KCNIP4: variants seen among roughly 807,000 people sequenced by gnomAD.
KCNIP4 encodes potassium voltage-gated channel interacting protein 4.
Under a neutral mutation model 34.0 loss-of-function variants are expected in KCNIP4, and 12 were observed. The observed-to-expected ratio is 0.35, with a 90% confidence interval of 0.23 to 0.57. The LOEUF (loss-of-function observed/expected upper bound fraction) is 0.57. Ranked by LOEUF, KCNIP4 falls within the 20% of genes least tolerant of loss-of-function variation. The probability of loss-of-function intolerance (pLI) is 0.83; values close to 1 mark genes in which losing one functional copy is unlikely to be tolerated. For synonymous variants in KCNIP4, 124 were observed against 102.2 expected (o/e 1.21, Z -1.29); for missense variants, 238 against 311.7 (o/e 0.76, Z 1.78).
chr4:21,413,955 A>T (rs1724728740), intron 1 of KCNIP4, among the ~76,000 whole-genome samples: 1 of 152,234 alleles, frequency 6.6e-6, no homozygotes, highest in South Asian at 2.1e-4. Context: ...TCTGCAGAAT[A>T]GACCATTTTT....
intron 1 of KCNIP4, among the ~76,000 whole-genome samples, chr4:21,462,178 C>T (rs918483783): frequency 6.6e-6 from 1 of 152,078 alleles, no homozygotes; most frequent in Non-Finnish European, 1.5e-5. Flanking sequence ...TCCCCATGAA[C>T]CATTTTCTAC....
At chr4:20,755,726 A>G (rs556326571) in intron 4 of KCNIP4, among the ~76,000 whole-genome samples, 1 of 152,322 alleles carries the variant, frequency 6.6e-6, no homozygotes, top group South Asian at 2.1e-4. Context: ...AGTCTCACTG[A>G]GAAGGTGGCA....
intron 1 of KCNIP4, among the ~76,000 whole-genome samples, chr4:20,997,511 T>C (rs1737664117): frequency 6.6e-6 from 1 of 152,136 alleles, no homozygotes; most frequent in Non-Finnish European, 1.5e-5. Flanking sequence ...AAAGGTATTG[T>C]AGGGAATCTG....
chr4:21,456,715 C>T (rs1033521437), intron 1 of KCNIP4, among the ~76,000 whole-genome samples: 1 of 127,978 alleles, frequency 7.8e-6, no homozygotes, highest in Non-Finnish European at 1.6e-5. Flanking sequence ...CCAGCCTTTA[C>T]AGCTCCATGT....
chr4:21,018,277 C>T (rs4348088), intron 1 of KCNIP4, among the ~76,000 whole-genome samples: 57,394 of 152,014 alleles, frequency 0.38, 11,575 homozygotes, highest in African/African-American at 0.53. Flanking sequence ...CAACAAGTAT[C>T]TGTTGAATAG....
intron 1 of KCNIP4, among the ~76,000 whole-genome samples, chr4:21,796,748 TA>T (rs1249216965): frequency 6.6e-6 from 1 of 152,202 alleles, no homozygotes; most frequent in Admixed American, 6.5e-5. Context: ...GTCTGAATAA[TA>T]AACATTCAGG....
chr4:20,905,200 G>A (rs540990160), intron 1 of KCNIP4, among the ~76,000 whole-genome samples: 55 of 152,238 alleles, frequency 3.6e-4, no homozygotes, highest in African/African-American at 1.2e-3. Flanking sequence ...CAGCAGGTTT[G>A]GTTACTTTCA....
chr4:21,189,590 G>A (rs538369596), intron 1 of KCNIP4, among the ~76,000 whole-genome samples: 48 of 152,326 alleles, frequency 3.2e-4, no homozygotes, highest in African/African-American at 1.1e-3. Flanking sequence ...TCAACATGAT[G>A]TTGTCATCTG....
chr4:21,763,649 C>T (rs1718207260), intron 1 of KCNIP4, among the ~76,000 whole-genome samples: 1 of 152,120 alleles, frequency 6.6e-6, no homozygotes, highest in Non-Finnish European at 1.5e-5. Flanking sequence ...TTTCTCTTTT[C>T]TGAATCTCAA....
intron 1 of KCNIP4, among the ~76,000 whole-genome samples, chr4:21,378,834 C>A (rs1171532738): frequency 6.6e-6 from 1 of 152,036 alleles, no homozygotes; most frequent in African/African-American, 2.4e-5. Flanking sequence ...GGAAATAGAG[C>A]AAGACACCTT....
At chr4:21,576,274 A>C (rs994549601) in intron 1 of KCNIP4, among the ~76,000 whole-genome samples, 4 of 152,170 alleles carry the variant, frequency 2.6e-5, no homozygotes, top group African/African-American at 9.7e-5. Flanking sequence ...ACTGCTTCAC[A>C]TAAAGCATCT....
At chr4:20,969,507 A>G (rs993905325) in intron 1 of KCNIP4, among the ~76,000 whole-genome samples, 10 of 152,074 alleles carry the variant, frequency 6.6e-5, no homozygotes, top group African/African-American at 2.4e-4. Flanking sequence ...ACAGTGGGAC[A>G]GGTAAATTTG....
chr4:21,562,351 C>T (rs772032767), intron 1 of KCNIP4, among the ~76,000 whole-genome samples: 3 of 151,832 alleles, frequency 2.0e-5, no homozygotes, highest in Non-Finnish European at 4.4e-5. Flanking sequence ...TTTAATTTAC[C>T]GAGGTGGATG....
chr4:21,633,724 G>T (rs1227123995), intron 1 of KCNIP4, among the ~76,000 whole-genome samples: 1 of 151,560 alleles, frequency 6.6e-6, no homozygotes, highest in African/African-American at 2.4e-5. Flanking sequence ...TGTTAATATG[G>T]GTTTTATCTT....
rs73805020 is a variant in KCNIP4 at position 21,140,033 on chromosome 4, A to G, written c.62-257324T>C. On this transcript the variant is annotated intron_variant, in intron 1 of 8. Coordinates refer to ENST00000382152, the MANE Select transcript of KCNIP4 (RefSeq NM_025221.6). ...GTCCCTGGAGAGTCAATTTTACCCA[A>G]TTACCAGAAATTTAACACACTCTCT... Among the ~76,000 whole-genome samples, 700 of 152,266 alleles carry G rather than the reference A, an allele frequency of 4.6e-3. 3 individuals are homozygous for G. The highest frequency in any genetic ancestry group is 0.015 in the African/African-American group (603 of 41,554).
chr4:21,668,226 T>C (rs138326694), intron 1 of KCNIP4, among the ~76,000 whole-genome samples: 4 of 152,094 alleles, frequency 2.6e-5, no homozygotes, highest in Non-Finnish European at 4.4e-5. Flanking sequence ...CCAGGGCCTA[T>C]TGGGCAGTTG....
At chr4:21,876,213 A>G (rs2109374576) in intron 1 of KCNIP4, among the ~76,000 whole-genome samples, 1 of 152,300 alleles carries the variant, frequency 6.6e-6, no homozygotes, top group Admixed American at 6.5e-5. Flanking sequence ...AATGGGTCAA[A>G]TACTGTAATT....
At chr4:21,717,386 T>G (rs975075520) in intron 1 of KCNIP4, among the ~76,000 whole-genome samples, 1 of 151,778 alleles carries the variant, frequency 6.6e-6, no homozygotes, top group Admixed American at 6.6e-5. Flanking sequence ...TCTATATAAT[T>G]TGCTATATAT....
At chr4:21,294,777 T>G (rs1243754401) in intron 1 of KCNIP4, among the ~76,000 whole-genome samples, 2 of 152,190 alleles carry the variant, frequency 1.3e-5, no homozygotes, top group Admixed American at 1.3e-4. Flanking sequence ...CTTTCTATGA[T>G]TCTTGCTAGT....
Sources: allele counts gnomAD v4.1 joint callset (sites outside exome capture counted in the v4.1 genomes callset), GRCh38; gene constraint gnomAD v4.1.1; transcripts MANE v1.5; gene names NCBI Gene and HGNC (gene_info 2026-07-23, HGNC 2026-07-21).